Variants in ATP2C2 observed in about 807,000 individuals in gnomAD.
ATP2C2 encodes the protein calcium-transporting ATPase type 2C member 2.
In ATP2C2, 171 loss-of-function variants were observed where a neutral mutation model predicts 110.8. The observed-to-expected ratio is 1.54, with a 90% CI of 1.36 to 1.75. The LOEUF (loss-of-function observed/expected upper bound fraction) is 1.75, where lower values mean the gene tolerates loss of function less well. Ranked by LOEUF, ATP2C2 falls within the 40% of genes most tolerant of loss-of-function variation. The pLI is 0.00. For missense variants in ATP2C2, 1,963 were observed against 1,235.0 expected (o/e 1.59, Z -8.84); for synonymous variants, 804 against 508.4 (o/e 1.58, Z -7.82).
rs535970408 is a variant in ATP2C2, at chr16:84,402,495, T to C, written c.211-2633T>C. ...ATGTTCCTTCTATACCTAGTTTTTT[T>C]AGGGTTTTTATTATGAAGAGATGTT... is the stretch of plus-strand genomic sequence containing the variant. On this transcript the variant is annotated intron_variant, in intron 2 of 26. Coordinates refer to ENST00000262429, the MANE Select transcript of ATP2C2 (RefSeq NM_014861.4). Among the ~76,000 whole-genome samples the C allele has an allele frequency of 1.4e-4, 22 of 152,312 alleles. No homozygotes were observed. The East Asian group carries it at 3.9e-3, about 27-fold the overall frequency.
chr16:84,441,905 A>G (rs1044907154), intron 14 of ATP2C2, among the ~76,000 whole-genome samples: 2 of 152,094 alleles, frequency 1.3e-5, no homozygotes, highest in Admixed American at 6.5e-5. Context: ...CCTGGGTAAT[A>G]GAATGAGACT....
At chr16:84,420,348 C>G (rs1159469135) in intron 7 of ATP2C2, among the ~76,000 whole-genome samples, 30 of 152,134 alleles carry the variant, frequency 2.0e-4, no homozygotes, top group Non-Finnish European at 2.9e-5. Context: ...TCCCATCAGT[C>G]CAAACCCACA....
At chr16:84,415,233 T>C (rs1334890094) in intron 6 of ATP2C2, among the ~76,000 whole-genome samples, 1 of 152,144 alleles carries the variant, frequency 6.6e-6, no homozygotes, top group African/African-American at 2.4e-5. Flanking sequence ...GTGGCCCACG[T>C]GGTTTCCAGG....
At chr16:84,452,621 C>T (rs1345956600) in intron 18 of ATP2C2, among the ~76,000 whole-genome samples, 1 of 151,496 alleles carries the variant, frequency 6.6e-6, no homozygotes, top group Non-Finnish European at 1.5e-5. Flanking sequence ...GCCTCAGCCT[C>T]CTGAGTAGCT....
At chr16:84,391,490 G>C (rs1383119164) in intron 1 of ATP2C2, among the ~76,000 whole-genome samples, 5 of 152,162 alleles carry the variant, frequency 3.3e-5, no homozygotes, top group African/African-American at 1.2e-4. Context: ...TTAAAATGAG[G>C]TCACACTGGA....
chr16:84,439,624 G>T, intron 13 of ATP2C2, 100 bp downstream of exon 13: 1 of 1,147,464 alleles, frequency 8.7e-7, no homozygotes, highest in Non-Finnish European at 1.3e-6. Context: ...CAATAAGGAA[G>T]AAATAAATTG....
intron 23 of ATP2C2, chr16:84,459,926 T>G: frequency 3.6e-6 from 1 of 275,224 alleles, no homozygotes. Context: ...CCACTTAATA[T>G]CCCCTTCAAC....
At position 84,462,065 on chromosome 16, in the gene ATP2C2, G is replaced by A. The variant is rs765696923; in HGVS notation, c.2658G>A (p.Gln886=). The A allele has an allele frequency of 1.5e-5, 25 of 1,613,956 alleles. No homozygotes were observed. Among genetic ancestry groups the A allele is most frequent in the Admixed American group, 3.3e-5 (2 of 59,996 alleles). ...LYSVLGSILG[Q]LAVIYIPPLQ... is the part of the protein sequence containing the mutation. ...CCGTCCTGGGGTCCATCCTGGGGCA[G>A]CTGGCGGTCATTTACATCCCCCCGC... is the stretch of plus-strand genomic sequence containing the variant. Residue 886 remains glutamine (Q), a synonymous_variant, in exon 26 of 27, where the codon CAG becomes CAA. Transcript: ENST00000262429.
At chr16:84,373,539 CT>C (rs1260154697) in intron 1 of ATP2C2, among the ~76,000 whole-genome samples, 5 of 152,230 alleles carry the variant, frequency 3.3e-5, no homozygotes, top group South Asian at 2.1e-4. Flanking sequence ...AAACCAAAGC[CT>C]TTTTTGAATC....
chr16:84,410,110 G>A (rs564012428), intron 4 of ATP2C2, among the ~76,000 whole-genome samples: 1 of 152,234 alleles, frequency 6.6e-6, no homozygotes. Context: ...TTGGGAGGCC[G>A]AGGCAGGAGA....
intron 11 of ATP2C2, among the ~76,000 whole-genome samples, chr16:84,429,048 AG>A (rs1396555296): frequency 3.9e-5 from 6 of 152,142 alleles, no homozygotes; most frequent in African/African-American, 1.4e-4. Flanking sequence ...ATGAAACCCA[AG>A]GGGGTCTATT....
intron 6 of ATP2C2, among the ~76,000 whole-genome samples, chr16:84,412,090 A>G (rs969061357): frequency 6.6e-6 from 1 of 151,528 alleles, no homozygotes; most frequent in Non-Finnish European, 1.5e-5. Context: ...GCTCACTGCA[A>G]CCTGTGCCTG....
At position 84,388,311 on chromosome 16, in the gene ATP2C2, C is replaced by T. The variant is rs562291567; in HGVS notation, c.100-10188C>T. The stretch of plus-strand genomic sequence containing the variant: ...CTGCACTGCAGCCTGGGTGAAAGAG[C>T]GAGACTCTGTCTCAAAAAAAAAAGA... On this transcript the variant is annotated intron_variant, in intron 1 of 26. Coordinates refer to ENST00000262429, the MANE Select transcript of ATP2C2 (RefSeq NM_014861.4). Among the ~76,000 whole-genome samples the T allele has an allele frequency of 2.8e-4, 42 of 149,766 alleles. No individual in the cohort carries two copies. The South Asian group carries it at 7.3e-3, about 26-fold the overall frequency.
intron 15 of ATP2C2, among the ~76,000 whole-genome samples, chr16:84,443,500 G>A (rs893954201): frequency 5.3e-5 from 8 of 152,138 alleles, no homozygotes; most frequent in Non-Finnish European, 8.8e-5. Context: ...CGGACCCCTC[G>A]CTGCCGCCGA....
chr16:84,406,933 C>G (rs777198033), intron 3 of ATP2C2, among the ~76,000 whole-genome samples: 7 of 152,144 alleles, frequency 4.6e-5, no homozygotes, highest in Non-Finnish European at 7.4e-5. Context: ...CTCCTCCAGC[C>G]TCCAGCCAGG....
Position 84,398,598 on chromosome 16 carries a change from A to C in ATP2C2, c.199A>C (p.Arg67=). The C allele has an allele frequency of 6.2e-7, 1 of 1,610,148 alleles. No homozygotes were observed. The highest frequency in any genetic ancestry group is 8.5e-7 in the Non-Finnish European group (1 of 1,178,234). The change falls in exon 2 of 27, where the codon AGA becomes CGA. Residue 67 remains arginine (R), a synonymous_variant. Coordinates refer to ENST00000262429, the MANE Select transcript of ATP2C2 (RefSeq NM_014861.4). Reference sequence around the variant, plus strand: ...CAAATGCCAGAAAGAGGATTTGGCCAGAGCGTTTTGTGTAAGAATTGAATT... The same window carrying C: ...CAAATGCCAGAAAGAGGATTTGGCCCGAGCGTTTTGTGTAAGAATTGAATT... ...ACKCQKEDLA[R]AFCVDLHTGL...
Position 84,460,714 on chromosome 16 carries a change from C to T in ATP2C2, c.2394C>T (p.Asp798=), listed in dbSNP as rs765755843. The T allele has an allele frequency of 1.2e-6, 2 of 1,614,208 alleles. No homozygotes were observed. Among genetic ancestry groups the T allele is most frequent in the Admixed American group, 1.7e-5 (1 of 60,030 alleles). ...GGCAGCCACCACGGAGTGTGCGGGA[C>T]ACCATCCTCAGCAGAGCCCTCATCC... The part of the protein sequence containing the change: ...AFRQPPRSVR[D]TILSRALILK... The change falls in exon 24 of 27, where the codon GAC becomes GAT. Residue 798 remains aspartate, a synonymous_variant. Coordinates refer to ENST00000262429, the MANE Select transcript of ATP2C2 (RefSeq NM_014861.4).
At chr16:84,380,070 A>G (rs1910487390) in intron 1 of ATP2C2, among the ~76,000 whole-genome samples, 1 of 152,080 alleles carries the variant, frequency 6.6e-6, no homozygotes, top group African/African-American at 2.4e-5. Flanking sequence ...CATTTGGTAC[A>G]CCCTGGAGCC....
chr16:84,460,939 C>T (rs558625173), intron 24 of ATP2C2, 138 bp downstream of exon 24: 4 of 1,262,450 alleles, frequency 3.2e-6, no homozygotes, highest in Non-Finnish European at 4.3e-6. Context: ...GTGATGCCAT[C>T]AGAGGCGTGG....
Sources: allele counts gnomAD v4.1 joint callset (sites outside exome capture counted in the v4.1 genomes callset), GRCh38; gene constraint gnomAD v4.1.1; transcripts MANE v1.5; gene names NCBI Gene and HGNC (gene_info 2026-07-23, HGNC 2026-07-21).